Variants in VDAC1 observed in about 807,000 individuals in gnomAD.
The protein encoded by VDAC1 is voltage dependent anion channel 1, also known as non-selective voltage-gated ion channel VDAC1.
A neutral mutation model predicts 34.7 loss-of-function variants in VDAC1; 10 were observed. The observed-to-expected ratio is 0.29, with a 90% CI of 0.18 to 0.49. The LOEUF is 0.49. Among genes scored for constraint, VDAC1 ranks in the 20% least tolerant of loss-of-function variants. The pLI is 0.99. For missense variants in VDAC1, 230 were observed against 347.9 expected, an observed-to-expected ratio of 0.66 and a Z score of 2.69; for synonymous variants, 130 against 136.0, an observed-to-expected ratio of 0.96 and a Z score of 0.30.
the VDAC1 span, among the ~76,000 whole-genome samples, chr5:134,104,414 G>C: frequency 6.6e-6 from 1 of 152,232 alleles, no homozygotes; most frequent in Admixed American, 6.5e-5. Flanking sequence ...ACTGCACAAA[G>C]GGTCTTGTAC....
chr5:134,015,544 A>G, the VDAC1 span, among the ~76,000 whole-genome samples: 1 of 152,202 alleles, frequency 6.6e-6, no homozygotes, highest in East Asian at 1.9e-4. Context: ...GTCTGGATGA[A>G]CTAAGGCAAA....
intron 1 of VDAC1, among the ~76,000 whole-genome samples, chr5:134,003,484 A>G (rs28679348): frequency 0.017 from 2,655 of 152,364 alleles, 71 homozygotes; most frequent in African/African-American, 0.061. Context: ...GACAATGTCC[A>G]TTTGTAAACT....
the VDAC1 span, among the ~76,000 whole-genome samples, chr5:134,012,078 G>T: frequency 6.6e-6 from 1 of 152,136 alleles, no homozygotes; most frequent in African/African-American, 2.4e-5. Flanking sequence ...AAAGAAGAAA[G>T]AAAGAGAGAG....
chr5:134,058,274 C>T, the VDAC1 span, among the ~76,000 whole-genome samples: 1 of 151,734 alleles, frequency 6.6e-6, no homozygotes, highest in Non-Finnish European at 1.5e-5. Flanking sequence ...CCCAGGTCAG[C>T]AGCCGGGCTG....
the VDAC1 span, among the ~76,000 whole-genome samples, chr5:134,072,740 G>A: frequency 6.6e-6 from 1 of 152,184 alleles, no homozygotes; most frequent in African/African-American, 2.4e-5. Flanking sequence ...CCCAGCTCCA[G>A]GTTCCTCCTA....
the VDAC1 span, among the ~76,000 whole-genome samples, chr5:134,103,551 G>A: frequency 6.6e-6 from 1 of 152,196 alleles, no homozygotes; most frequent in African/African-American, 2.4e-5. Flanking sequence ...CAGCCTTCAA[G>A]CTGGTGCCCT....
the VDAC1 span, among the ~76,000 whole-genome samples, chr5:134,050,400 G>A: frequency 7.5e-4 from 114 of 152,194 alleles, 1 homozygote; most frequent in Middle Eastern, 0.017. Context: ...TATTCAATGC[G>A]TTAGTTCTTC....
the VDAC1 span, among the ~76,000 whole-genome samples, chr5:134,049,404 C>T: frequency 0.51 from 77,272 of 151,882 alleles, 21,346 homozygotes; most frequent in Non-Finnish European, 0.62. Flanking sequence ...CTTGCTATTC[C>T]TCAATCACTG....
the VDAC1 span, among the ~76,000 whole-genome samples, chr5:134,036,633 G>A: frequency 2.0e-5 from 3 of 150,800 alleles, no homozygotes; most frequent in East Asian, 5.8e-4. Flanking sequence ...TCCAGCCTGG[G>A]TGACAGAGCA....
chr5:133,988,563 G>C (rs1752986082), intron 5 of VDAC1, among the ~76,000 whole-genome samples: 1 of 152,110 alleles, frequency 6.6e-6, no homozygotes, highest in South Asian at 2.1e-4. Flanking sequence ...AGAAGTTCAA[G>C]ACCAGCCTGG....
At chr5:133,977,954 A>G (rs1752539761) in intron 6 of VDAC1, among the ~76,000 whole-genome samples, 1 of 152,190 alleles carries the variant, frequency 6.6e-6, no homozygotes, top group Non-Finnish European at 1.5e-5. Context: ...ATGGTCTTCA[A>G]GCCTGCCTAG....
the VDAC1 span, among the ~76,000 whole-genome samples, chr5:134,065,143 C>T: frequency 2.0e-3 from 300 of 151,800 alleles, no homozygotes; most frequent in Admixed American, 3.2e-3. Context: ...CTAATGTATT[C>T]TTTAAAGGAT....
the VDAC1 span, among the ~76,000 whole-genome samples, chr5:134,039,495 AT>A: frequency 1.7e-5 from 2 of 117,078 alleles, no homozygotes; most frequent in East Asian, 2.5e-4. Flanking sequence ...CGCCCGGCTA[AT>A]TTTTTGTATT....
At chr5:134,023,153 G>C in the VDAC1 span, among the ~76,000 whole-genome samples, 4 of 152,124 alleles carry the variant, frequency 2.6e-5, no homozygotes, top group African/African-American at 9.7e-5. Flanking sequence ...CCATAAAAAA[G>C]AATGAGTTCA....
the VDAC1 span, among the ~76,000 whole-genome samples, chr5:134,016,321 T>C: frequency 6.6e-6 from 1 of 152,170 alleles, no homozygotes; most frequent in African/African-American, 2.4e-5. Flanking sequence ...GAGTGGGTGT[T>C]GTAAGAAGAA....
chr5:134,026,516 GAAAAAAAAA>G, the VDAC1 span, among the ~76,000 whole-genome samples: 1 of 72,334 alleles, frequency 1.4e-5, no homozygotes, highest in Non-Finnish European at 2.6e-5. Flanking sequence ...CTCCGTCTCA[GAAAAAAAAA>G]AAAAAAAAAA....
At chr5:134,040,408 C>T in the VDAC1 span, among the ~76,000 whole-genome samples, 2 of 152,202 alleles carry the variant, frequency 1.3e-5, no homozygotes, top group Non-Finnish European at 2.9e-5. Context: ...AATCCCATCT[C>T]TACTAAAAAT....
At chr5:134,067,633 GAGA>G in the VDAC1 span, among the ~76,000 whole-genome samples, 2 of 133,864 alleles carry the variant, frequency 1.5e-5, no homozygotes, top group East Asian at 2.6e-4. Context: ...GAAGGAGGAG[GAGA>G]AGGAGAAGGG....
the VDAC1 span, among the ~76,000 whole-genome samples, chr5:134,089,841 A>C: frequency 6.6e-6 from 1 of 152,080 alleles, no homozygotes; most frequent in African/African-American, 2.4e-5. Flanking sequence ...AATACAAAAA[A>C]ATTAGCCAGG....
Sources: gnomAD v4.1 joint callset for allele counts (sites outside exome capture counted in the v4.1 genomes callset) on GRCh38, gnomAD v4.1.1 for gene constraint, MANE v1.5 for transcripts, NCBI Gene and HGNC (gene_info 2026-07-23, HGNC 2026-07-21) for gene names.